TECTA: variants seen among roughly 807,000 people sequenced by gnomAD.
TECTA encodes alpha-tectorin.
A neutral mutation model predicts 216.8 loss-of-function variants in TECTA; 128 were observed. The ratio of observed to expected loss-of-function variants is 0.59; its 90% CI spans 0.51 to 0.68. The LOEUF is 0.68. Ranked by LOEUF, TECTA falls within the 30% of genes least tolerant of loss-of-function variation. TECTA has a pLI of 0.00. For synonymous variants in TECTA, 1,089 were observed against 1,117.1 expected, an observed-to-expected ratio of 0.97 and a Z score of 0.50; for missense variants, 2,551 against 2,786.2, an observed-to-expected ratio of 0.92 and a Z score of 1.90.
intron 11 of TECTA, among the ~76,000 whole-genome samples, chr11:121,144,719 G>A (rs1307125247): frequency 6.6e-6 from 1 of 152,170 alleles, no homozygotes; most frequent in Non-Finnish European, 1.5e-5. Flanking sequence ...GGAAACATAT[G>A]TCAAGTGCCC....
intron 18 of TECTA, among the ~76,000 whole-genome samples, chr11:121,167,323 A>G (rs969127464): frequency 1.3e-5 from 2 of 152,194 alleles, no homozygotes; most frequent in South Asian, 2.1e-4. Flanking sequence ...AGTTGTGTCT[A>G]CTTGGAAGGC....
intron 20 of TECTA, among the ~76,000 whole-genome samples, chr11:121,184,069 G>A (rs1359255200): frequency 1.3e-5 from 2 of 152,184 alleles, no homozygotes; most frequent in Admixed American, 6.5e-5. Flanking sequence ...GATTACAGGT[G>A]TGACCTACCA....
intron 21 of TECTA, 77 bp from the exon 22 acceptor site, chr11:121,189,003 T>C (rs1947314784): frequency 1.3e-5 from 19 of 1,484,512 alleles, no homozygotes; most frequent in Non-Finnish European, 1.8e-5. Flanking sequence ...ACTGCCTCTT[T>C]TAGAGGTGAA....
rs979597735 is a variant in TECTA, at chr11:121,158,883, G to T, written c.4689+659G>T. ...ATCCTCACAACAAATATGGCTCTCC[G>T]ACTTGAATTCCTCCCACCCCTTCCA... On this transcript the variant is annotated intron_variant, in intron 14 of 23. Coordinates refer to ENST00000392793, the MANE Select transcript of TECTA (RefSeq NM_005422.4). Among the ~76,000 whole-genome samples the T allele has an allele frequency of 3.3e-5, 5 of 152,056 alleles. No homozygotes were observed. The East Asian group carries it at 5.8e-4, about 18-fold the overall frequency.
In TECTA at chr11:121,129,977, C is replaced by G. The variant is rs759071147; in HGVS notation, c.2707C>G (p.Leu903Val). The G allele has an allele frequency of 1.2e-6, 2 of 1,605,676 alleles. No homozygotes were observed. The highest frequency in any genetic ancestry group is 1.7e-6 in the Non-Finnish European group (2 of 1,174,578). ...GGCCTGCAACAATGACTCGGAGCTG[C>G]TCAAGTTTTATCGAAGCCGCTCCAG... The part of the protein sequence containing the change: ...LKACNNDSEL[L>V]KFYRSRSRCG... Residue 903 changes from leucine to valine, a missense_variant, in exon 10 of 24, where the codon CTC (leucine) becomes GTC (valine). Around this residue, in one of 3 missense-constraint regions of TECTA, gnomAD observed 2,375 missense variants for 2,563.9 expected, o/e 0.93. Transcript: ENST00000392793.
intron 11 of TECTA, among the ~76,000 whole-genome samples, chr11:121,144,310 G>T (rs1273107864): frequency 5.3e-5 from 8 of 152,122 alleles, no homozygotes; most frequent in African/African-American, 1.9e-4. Context: ...TTATTGGCGT[G>T]GCGGTAGTGA....
At chr11:121,109,650 A>G in intron 4 of TECTA, 152 bp downstream of exon 4, 1 of 872,598 alleles carries the variant, frequency 1.1e-6, no homozygotes, top group Non-Finnish European at 1.8e-6. Context: ...TTTGCAGGAA[A>G]CAGAGGGAAC....
At chr11:121,148,886 A>G (rs1048388672) in intron 12 of TECTA, among the ~76,000 whole-genome samples, 1 of 152,244 alleles carries the variant, frequency 6.6e-6, no homozygotes, top group Admixed American at 6.5e-5. Context: ...AATTGTCTTA[A>G]TTACTAGCCT....
chr11:121,176,218 G>C (rs903132174), intron 20 of TECTA, among the ~76,000 whole-genome samples: 14 of 151,480 alleles, frequency 9.2e-5, no homozygotes, highest in Non-Finnish European at 2.1e-4. Context: ...GTGTGAATTT[G>C]ATCCTGTCAT....
chr11:121,130,651 A>G (rs1455320444), intron 10 of TECTA, among the ~76,000 whole-genome samples: 2 of 152,212 alleles, frequency 1.3e-5, no homozygotes, highest in South Asian at 4.1e-4. Flanking sequence ...ATGGGTATTA[A>G]GAGAGTCCTG....
intron 17 of TECTA, 130 bp from the exon 18 acceptor site, chr11:121,166,448 G>C: frequency 3.4e-6 from 3 of 894,156 alleles, no homozygotes; most frequent in Non-Finnish European, 5.4e-6. Context: ...AGCATAATTA[G>C]AAATGCTGCA....
chr11:121,111,868 C>T (rs1021274326), intron 4 of TECTA, among the ~76,000 whole-genome samples: 4 of 152,132 alleles, frequency 2.6e-5, no homozygotes, highest in African/African-American at 7.2e-5. Context: ...CGCCATCAGC[C>T]GTGGCCAGCA....
chr11:121,177,265 T>A (rs1260822730), intron 20 of TECTA, among the ~76,000 whole-genome samples: 2 of 152,230 alleles, frequency 1.3e-5, no homozygotes, highest in Non-Finnish European at 2.9e-5. Context: ...TTTTTAGAGT[T>A]TCCAGTTTTT....
At chr11:121,108,785 C>G (rs1428102778) in intron 3 of TECTA, among the ~76,000 whole-genome samples, 1 of 151,214 alleles carries the variant, frequency 6.6e-6, no homozygotes, top group Non-Finnish European at 1.5e-5. Context: ...CCAGAACACA[C>G]ACACCCATAC....
chr11:121,113,576 C>A lies in TECTA; in HGVS notation c.648C>A (p.Leu216=). The A allele has an allele frequency of 6.2e-7, 1 of 1,613,998 alleles. No individual in the cohort carries two copies. The highest frequency in any genetic ancestry group is 8.5e-7 in the Non-Finnish European group (1 of 1,180,034). Residue 216 remains leucine, a synonymous_variant, in exon 6 of 24, where the codon CTC becomes CTA. Transcript: ENST00000392793. The surrounding 1 kb of genome is among the most constrained non-coding windows in gnomAD (Gnocchi z 4.2). ...MAQAGFNGGN[L]TNFFSLPGSR... ...AGGCAGGATTTAATGGTGGAAACCTCACCAATTTCTTCAGCCTCCCGGGGT... is the reference window on the plus strand; with the variant it reads ...AGGCAGGATTTAATGGTGGAAACCTAACCAATTTCTTCAGCCTCCCGGGGT...
At chr11:121,122,852 CAAAA>C (rs58470847) in intron 7 of TECTA, among the ~76,000 whole-genome samples, 46 of 145,652 alleles carry the variant, frequency 3.2e-4, no homozygotes, top group South Asian at 6.6e-4. Flanking sequence ...GACCCTGTTT[CAAAA>C]AAAAAAAAAA....
In TECTA at chr11:121,190,563, T is replaced by C; in HGVS notation, c.6368-143T>C. ...TAAGATTGGATTAATTCTGCTACTT[T>C]GCTGCCTTAGGGCCATTTAGGTAAA... On this transcript the variant is annotated intron_variant, in intron 23 of 23. Coordinates refer to ENST00000392793, the MANE Select transcript of TECTA (RefSeq NM_005422.4). 7 of 672,786 alleles carry C rather than the reference T, an allele frequency of 1.0e-5. No individual in the cohort carries two copies. In the South Asian group the frequency reaches 1.1e-4, roughly 10 times the overall value. 41.7% of individuals were successfully genotyped at this position (672,786 alleles called of 1,614,324 possible).
At chr11:121,121,669 G>T (rs1374243512) in intron 7 of TECTA, among the ~76,000 whole-genome samples, 2 of 152,162 alleles carry the variant, frequency 1.3e-5, no homozygotes, top group African/African-American at 2.4e-5. Flanking sequence ...AAGAACAGAG[G>T]CAGGGAAACT....
chr11:121,143,426 C>G (rs1487079919), intron 11 of TECTA, among the ~76,000 whole-genome samples: 2 of 152,250 alleles, frequency 1.3e-5, no homozygotes, highest in Non-Finnish European at 2.9e-5. Context: ...ACCCCTCCTC[C>G]TCCTTTGAGA....
Sources: allele counts gnomAD v4.1 joint callset (sites outside exome capture counted in the v4.1 genomes callset), GRCh38; gene constraint gnomAD v4.1.1; regional missense constraint gnomAD v4.1.1; non-coding constraint Gnocchi (gnomAD v3.1); transcripts MANE v1.5; gene names NCBI Gene and HGNC (gene_info 2026-07-23, HGNC 2026-07-21).